PIBF1: variants seen among roughly 807,000 people sequenced by gnomAD.
The protein encoded by PIBF1 is progesterone-induced-blocking factor 1.
A neutral mutation model predicts 112.5 loss-of-function variants in PIBF1; 90 were observed. That is an observed-to-expected ratio of 0.80 (90% CI 0.67 to 0.95). The LOEUF is 0.95. Among genes scored for constraint, PIBF1 ranks in the 40% least tolerant of loss-of-function variants. PIBF1 has a pLI of 0.00. For missense variants in PIBF1, 915 were observed against 852.3 expected (o/e 1.07, Z -0.92); for synonymous variants, 301 against 288.6 (o/e 1.04, Z -0.44).
chr13:72,936,904 C>T (rs904133180), intron 14 of PIBF1, among the ~76,000 whole-genome samples: 1 of 151,918 alleles, frequency 6.6e-6, no homozygotes, highest in Non-Finnish European at 1.5e-5. Flanking sequence ...AATATTCTGA[C>T]CCATGAACAT....
intron 11 of PIBF1, among the ~76,000 whole-genome samples, chr13:72,902,195 A>C (rs1287787142): frequency 6.6e-6 from 1 of 152,156 alleles, no homozygotes; most frequent in East Asian, 1.9e-4. Context: ...GAGGACGCAA[A>C]GGCATGAGAA....
In PIBF1 at chr13:72,989,946, G is replaced by A. The variant is rs1290073924; in HGVS notation, c.2050-8876G>A. 3.3e-5 allele frequency among the ~76,000 whole-genome samples: 5 copies of A among 152,226 alleles called. No homozygotes were observed. The East Asian group carries it at 7.7e-4, about 24-fold the overall frequency. On this transcript the variant is annotated intron_variant, in intron 16 of 17. Transcript: ENST00000326291. ...AAAAAATGCCCGACCAGGCACTGAG[G>A]CTCATGCCTGTAATCTCAGCACTTT...
At chr13:72,874,353 C>T (rs1243967916) in intron 10 of PIBF1, among the ~76,000 whole-genome samples, 1 of 152,056 alleles carries the variant, frequency 6.6e-6, no homozygotes. Flanking sequence ...ACAACTAGTG[C>T]ATCAAACTAA....
At chr13:72,936,044 T>G (rs927117682) in intron 14 of PIBF1, among the ~76,000 whole-genome samples, 22 of 151,912 alleles carry the variant, frequency 1.4e-4, no homozygotes, top group Non-Finnish European at 3.1e-4. Context: ...TATTTATTTT[T>G]AGAGACAGAG....
At chr13:72,817,883 A>G (rs754019488) in intron 5 of PIBF1, among the ~76,000 whole-genome samples, 1 of 152,282 alleles carries the variant, frequency 6.6e-6, no homozygotes, top group Non-Finnish European at 1.5e-5. Flanking sequence ...ATTGCTAACA[A>G]TAAATGCAGG....
intron 10 of PIBF1, among the ~76,000 whole-genome samples, chr13:72,858,023 T>TTGCTTTTTGTGTGTGTGTGTGTGTGTG (rs71099760): frequency 2.0e-4 from 28 of 141,310 alleles, no homozygotes; most frequent in African/African-American, 2.4e-4. Flanking sequence ...CAAATGTACA[T>TTGCTTTTTGTGTGTGTGTGTGTGTGTG]TGTGTGTGTG....
intron 16 of PIBF1, among the ~76,000 whole-genome samples, chr13:72,990,217 A>C (rs1306870260): frequency 6.8e-6 from 1 of 146,568 alleles, no homozygotes; most frequent in East Asian, 2.1e-4. Context: ...CTGTCTCAAA[A>C]AAAAAAAAAA....
intron 16 of PIBF1, among the ~76,000 whole-genome samples, chr13:72,975,270 G>A (rs956891572): frequency 2.0e-5 from 3 of 151,982 alleles, no homozygotes; most frequent in Non-Finnish European, 4.4e-5. Context: ...TGGCCAGGCT[G>A]ATCTTAAACT....
intron 10 of PIBF1, among the ~76,000 whole-genome samples, chr13:72,856,121 A>G (rs1462044569): frequency 2.0e-5 from 3 of 152,230 alleles, no homozygotes; most frequent in Admixed American, 6.5e-5. Context: ...TCCGAAGGCC[A>G]TGCGATACTC....
At chr13:72,915,816 A>G (rs1384458615) in intron 12 of PIBF1, among the ~76,000 whole-genome samples, 1 of 152,224 alleles carries the variant, frequency 6.6e-6, no homozygotes, top group Non-Finnish European at 1.5e-5. Flanking sequence ...AAATGTTTCT[A>G]AAATCTTTAC....
chr13:72,936,613 G>A (rs2041877916), intron 14 of PIBF1, among the ~76,000 whole-genome samples: 2 of 152,252 alleles, frequency 1.3e-5, no homozygotes, highest in East Asian at 1.9e-4. Flanking sequence ...AATCATTTAT[G>A]TGTGAGACTG....
intron 16 of PIBF1, among the ~76,000 whole-genome samples, chr13:72,997,973 A>G (rs2043735121): frequency 6.6e-6 from 1 of 152,210 alleles, no homozygotes; most frequent in Non-Finnish European, 1.5e-5. Context: ...CTCTTCAAAA[A>G]GTTCATCACA....
intron 16 of PIBF1, among the ~76,000 whole-genome samples, chr13:72,982,268 T>C (rs1453863096): frequency 6.6e-6 from 1 of 151,952 alleles, no homozygotes; most frequent in East Asian, 1.9e-4. Context: ...TGAAACTGTC[T>C]CTACAAAAAA....
chr13:72,844,728 T>TACACACACACACACACACAC lies in PIBF1; in HGVS notation c.1224-9276_1224-9257dup, dbSNP rs1156334355. On this transcript the variant is annotated intron_variant, in intron 9 of 17. Coordinates refer to ENST00000326291, the MANE Select transcript of PIBF1 (RefSeq NM_006346.4). ...TTATAAAAGCATCTGTAATTTTATTTACACACACACACACACACACACACA... is the reference window on the plus strand; with the variant it reads ...TTATAAAAGCATCTGTAATTTTATTTACACACACACACACACACACACACACACACACACACACACACACA... 2.8e-4 allele frequency among the ~76,000 whole-genome samples: 15 copies of TACACACACACACACACACAC among 53,240 alleles called. 2 individuals are homozygous for TACACACACACACACACACAC. The highest frequency in any genetic ancestry group is 1.6e-3 in the East Asian group (2 of 1,244). The allele number at this position is 53,240 out of a possible 152,430, so 34.9% of individuals were successfully genotyped here. A position where few individuals can be genotyped will look rare whatever the true frequency, so the allele number is the denominator to read the frequency against.
At chr13:72,961,946 T>G (rs2042618314) in intron 14 of PIBF1, among the ~76,000 whole-genome samples, 1 of 152,114 alleles carries the variant, frequency 6.6e-6, no homozygotes, top group Admixed American at 6.6e-5. Context: ...TCATACCCCT[T>G]AGCCTAGTGT....
rs552799661 is a variant in PIBF1 at position 72,805,266 on chromosome 13, C to T, written c.672+7240C>T. On this transcript the variant is annotated intron_variant, in intron 5 of 17. Transcript: ENST00000326291. Reference sequence around the variant, plus strand: ...TACGCCATTCTCCTGCCTCAACCTCCCGAGTAGCTGGGACTACAGGCACAC... The same window carrying T: ...TACGCCATTCTCCTGCCTCAACCTCTCGAGTAGCTGGGACTACAGGCACAC... Among the ~76,000 whole-genome samples the T allele has an allele frequency of 1.1e-4, 17 of 152,346 alleles. No homozygotes were observed. The South Asian group carries it at 2.1e-3, about 19-fold the overall frequency.
intron 5 of PIBF1, among the ~76,000 whole-genome samples, chr13:72,804,056 T>C (rs759500549): frequency 4.6e-5 from 7 of 152,190 alleles, no homozygotes; most frequent in Non-Finnish European, 8.8e-5. Context: ...TATATACTTA[T>C]TGTTGGCCTG....
At chr13:72,926,652 C>T (rs575185311) in intron 13 of PIBF1, among the ~76,000 whole-genome samples, 1 of 152,316 alleles carries the variant, frequency 6.6e-6, no homozygotes, top group Admixed American at 6.5e-5. Flanking sequence ...ATCTCTCTAG[C>T]TTCAACCCTC....
intron 9 of PIBF1, among the ~76,000 whole-genome samples, chr13:72,852,584 C>T (rs1035053323): frequency 2.0e-5 from 3 of 152,142 alleles, no homozygotes; most frequent in South Asian, 2.1e-4. Flanking sequence ...GAGCATAACT[C>T]GGGCAAAGGC....
Sources: gnomAD v4.1 joint callset for allele counts (sites outside exome capture counted in the v4.1 genomes callset) on GRCh38, gnomAD v4.1.1 for gene constraint, MANE v1.5 for transcripts, NCBI Gene and HGNC (gene_info 2026-07-23, HGNC 2026-07-21) for gene names.